The following COX20 variants were observed in gnomAD, a reference collection of about 807,000 sequenced individuals.
COX20 encodes cytochrome c oxidase assembly protein COX20, mitochondrial.
Under a neutral mutation model 14.3 loss-of-function variants are expected in COX20, and 14 were observed. The ratio of observed to expected loss-of-function variants is 0.98; its 90% CI spans 0.65 to 1.53. COX20 has a LOEUF of 1.53. Ranked by LOEUF, COX20 falls within the 40% of genes most tolerant of loss-of-function variation. The probability of loss-of-function intolerance (pLI) is 0.00; values close to 1 mark genes in which losing one functional copy is unlikely to be tolerated. For missense variants in COX20, 149 were observed against 142.1 expected, an observed-to-expected ratio of 1.05 and a Z score of -0.25; for synonymous variants, 56 against 51.7, an observed-to-expected ratio of 1.08 and a Z score of -0.36.
chr1:244,835,622 C>T, upstream of COX20: 8 of 933,408 alleles, frequency 8.6e-6, no homozygotes, highest in Non-Finnish European at 1.1e-5. Context: ...GGCGGCGGCG[C>T]GTGGGGGCGG....
chr1:244,843,059 T>G lies in COX20; in HGVS notation c.240T>G (p.Asn80Lys). The change falls in exon 4 of 4, where the codon AAT becomes AAG. Residue 80 changes from asparagine to lysine, a missense_variant. Asn to Lys is a moderately conservative substitution (Grantham distance 94). Coordinates refer to ENST00000411948, the MANE Select transcript of COX20 (RefSeq NM_198076.6). ...TTCTAAGGTTTCATTGTAGGTATAA[T>G]TATGCAAAGCAAAGAATCCAGGAAA... Reference protein sequence around the residue: ...TLGCWFHCRYNYAKQRIQERI... With the variant: ...TLGCWFHCRYKYAKQRIQERI... 4.4e-6 allele frequency: 7 copies of G among 1,580,700 alleles called. No individual in the cohort carries two copies. The highest frequency in any genetic ancestry group is 6.0e-6 in the Non-Finnish European group (7 of 1,165,496).
At chr1:244,842,923 T>C in intron 3 of COX20, 118 bp from the exon 4 acceptor site, 1 of 739,524 alleles carries the variant, frequency 1.4e-6, no homozygotes, top group Non-Finnish European at 2.1e-6. Context: ...AGAACATATT[T>C]TTCAGTCTCA....
At chr1:244,841,683 A>G in intron 1 of COX20, 1 of 335,298 alleles carries the variant, frequency 3.0e-6, no homozygotes. Flanking sequence ...TCAGTTGATT[A>G]GCAAATTAAG....
intron 1 of COX20, among the ~76,000 whole-genome samples, chr1:244,837,367 AT>A (rs1005870547): frequency 6.6e-6 from 1 of 152,022 alleles, no homozygotes; most frequent in Middle Eastern, 3.2e-3. Context: ...GCCTGCGGTT[AT>A]TTTTTTTAAA....
rs1339759020 is a variant in COX20, at chr1:244,843,642, GCATTCATC to G, written c.*467_*474del. The G allele has an allele frequency of 6.6e-6, 1 of 152,368 alleles. No individual in the cohort carries two copies. The highest frequency in any genetic ancestry group is 1.5e-5 in the Non-Finnish European group (1 of 68,192). 9.4% of individuals were successfully genotyped at this position (152,368 alleles called of 1,614,324 possible). Reference sequence around the variant, plus strand: ...TCACTTTGCAAATTATTTTTTAAATGCATTCATCATTTGACAGTGTTCTCTCATTTCTT... The same window carrying G: ...TCACTTTGCAAATTATTTTTTAAATGATTTGACAGTGTTCTCTCATTTCTT... On this transcript the variant is annotated 3_prime_UTR_variant, in exon 4 of 4. Coordinates refer to ENST00000411948, the MANE Select transcript of COX20 (RefSeq NM_198076.6).
Position 244,843,476 on chromosome 1 carries a change from G to T in COX20, c.*300G>T, listed in dbSNP as rs745844015. Reference sequence around the variant, plus strand: ...ATGTACTTGGAGTTTCCTTGTAGTAGTAAGTATAGAGTTTGATGATAAGTA... The same window carrying T: ...ATGTACTTGGAGTTTCCTTGTAGTATTAAGTATAGAGTTTGATGATAAGTA... On this transcript the variant is annotated 3_prime_UTR_variant, in exon 4 of 4. Coordinates refer to ENST00000411948, the MANE Select transcript of COX20 (RefSeq NM_198076.6). 1 of 294,240 alleles carries T rather than the reference G, an allele frequency of 3.4e-6. No homozygotes were observed. Among genetic ancestry groups the T allele is most frequent in the Non-Finnish European group, 6.3e-6 (1 of 158,502 alleles). The allele number at this position is 294,240 out of a possible 1,614,324, so 18.2% of individuals were successfully genotyped here. A position where few individuals can be genotyped will look rare whatever the true frequency, so the allele number is the denominator to read the frequency against.
At chr1:244,839,157 G>A (rs1680097145) in intron 1 of COX20, among the ~76,000 whole-genome samples, 1 of 151,534 alleles carries the variant, frequency 6.6e-6, no homozygotes. Flanking sequence ...AGCTATAGAA[G>A]CCAAGCCCTT....
chr1:244,835,585 C>T (rs1293005997), upstream of COX20: 7 of 524,208 alleles, frequency 1.3e-5, no homozygotes, highest in Middle Eastern at 5.2e-4. Context: ...CCTAAAATGG[C>T]GGCCGGCGCG....
At chr1:244,842,310 T>C (rs1347284833) in intron 3 of COX20, 52 bp downstream of exon 3, 4 of 1,237,652 alleles carry the variant, frequency 3.2e-6, no homozygotes, top group Non-Finnish European at 4.8e-6. Flanking sequence ...GGTTATCTAA[T>C]TCAAAAAGCA....
At chr1:244,837,026 C>T (rs994109880) in intron 1 of COX20, among the ~76,000 whole-genome samples, 17 of 150,874 alleles carry the variant, frequency 1.1e-4, no homozygotes, top group Admixed American at 3.3e-4. Flanking sequence ...GTGATAAACA[C>T]TGGAATCCTG....
At position 244,843,037 on chromosome 1, in the gene COX20, T is replaced by C. The variant is rs1235274913; in HGVS notation, c.222-4T>C. ...ACAATTTATTCATATTCTTTTCTTCTAAGGTTTCATTGTAGGTATAATTAT... is the reference window on the plus strand; with the variant it reads ...ACAATTTATTCATATTCTTTTCTTCCAAGGTTTCATTGTAGGTATAATTAT... On this transcript the variant is annotated splice_polypyrimidine_tract_variant and splice_region_variant and intron_variant, in intron 3 of 3. Transcript: ENST00000411948. The C allele has an allele frequency of 1.3e-6, 2 of 1,535,128 alleles. No homozygotes were observed. The highest frequency in any genetic ancestry group is 2.9e-5 in the African/African-American group (2 of 69,696).
intron 1 of COX20, among the ~76,000 whole-genome samples, chr1:244,837,458 G>T (rs184480760): frequency 1.5e-3 from 224 of 152,260 alleles, no homozygotes; most frequent in Admixed American, 2.9e-3. Flanking sequence ...AAGTAAAAAT[G>T]GGAGTTACCA....
chr1:244,843,365 G>GTGTTACA lies in COX20; in HGVS notation c.*191_*197dup. 1 of 581,794 alleles carries GTGTTACA rather than the reference G, an allele frequency of 1.7e-6. No individual in the cohort carries two copies. Among genetic ancestry groups the GTGTTACA allele is most frequent in the Non-Finnish European group, 3.0e-6 (1 of 335,280 alleles). 36.0% of individuals were successfully genotyped at this position (581,794 alleles called of 1,614,324 possible). A position where few individuals can be genotyped will look rare whatever the true frequency, so the allele number is the denominator to read the frequency against. On this transcript the variant is annotated 3_prime_UTR_variant, in exon 4 of 4. Transcript: ENST00000411948. ...TCTACTGCCAGGATAGCATTCTTAC[G>GTGTTACA]TGTTACATATAGTGGACTTGTCATC...
In COX20 at chr1:244,843,165, A is replaced by C. The variant is rs747091122; in HGVS notation, c.346A>C (p.Ser116Arg). 6.3e-7 allele frequency: 1 copy of C among 1,588,770 alleles called. No homozygotes were observed. The highest frequency in any genetic ancestry group is 1.9e-5 in the Admixed American group (1 of 53,166). Residue 116 changes from serine to arginine, a missense_variant, in exon 4 of 4, where the codon AGC becomes CGC. Coordinates refer to ENST00000411948, the MANE Select transcript of COX20 (RefSeq NM_198076.6). ...LDPERKHNGS[S>R]SN ...TCCTGAAAGAAAACACAACGGCAGC[A>C]GCAGCAATTGAACAATCTTGAGCAT...
chr1:244,842,340 T>TCTCC (rs1465958430), intron 3 of COX20, 82 bp downstream of exon 3: 1 of 950,134 alleles, frequency 1.1e-6, no homozygotes, highest in Non-Finnish European at 1.7e-6. Context: ...TTCAGAGCAG[T>TCTCC]CTCCCATTGG....
intron 1 of COX20, chr1:244,836,515 T>C (rs1443281688): frequency 6.5e-7 from 1 of 1,550,242 alleles, no homozygotes; most frequent in African/African-American, 1.4e-5. Flanking sequence ...TTTATCATAT[T>C]GGAAGGTAAT....
At position 244,841,904 on chromosome 1, in the gene COX20, T is replaced by C. The variant is rs767871990; in HGVS notation, c.43-40T>C. 3.1e-6 allele frequency: 4 copies of C among 1,279,426 alleles called. No homozygotes were observed. In the South Asian group the frequency reaches 5.1e-5, roughly 16 times the overall value. The allele number at this position is 1,279,426 out of a possible 1,614,324, so 79.3% of individuals were successfully genotyped here. A position where few individuals can be genotyped will look rare whatever the true frequency, so the allele number is the denominator to read the frequency against. ...TTTGCCAAAGCACCCCAAAATGAAA[T>C]ACTTTCTTACTCAATCTAGGTTCTT... On this transcript the variant is annotated intron_variant, in intron 1 of 3. Transcript: ENST00000411948.
chr1:244,839,733 A>G (rs1294890117), intron 1 of COX20: 4 of 152,006 alleles, frequency 2.6e-5, no homozygotes, highest in Admixed American at 2.6e-4. Flanking sequence ...GAATCTTATT[A>G]CTCCTTAGAT....
intron 1 of COX20, among the ~76,000 whole-genome samples, chr1:244,836,226 C>T (rs1679977078): frequency 6.6e-6 from 1 of 152,192 alleles, no homozygotes; most frequent in African/African-American, 2.4e-5. Context: ...TCTTCCCCAT[C>T]ACCAGTAGCC....
Sources: gnomAD v4.1 joint callset for allele counts (sites outside exome capture counted in the v4.1 genomes callset) on GRCh38, gnomAD v4.1.1 for gene constraint, MANE v1.5 for transcripts, NCBI Gene and HGNC (gene_info 2026-07-23, HGNC 2026-07-21) for gene names.